The following HEPH variants were observed in gnomAD, a reference collection of about 807,000 sequenced individuals.
HEPH encodes hephaestin.
HEPH carries 69 observed loss-of-function variants against 80.8 expected under a neutral mutation model. The ratio of observed to expected loss-of-function variants is 0.85; its 90% CI spans 0.70 to 1.04. HEPH has a LOEUF of 1.04. Among genes scored for constraint, HEPH ranks in the 50% least tolerant of loss-of-function variants. The pLI, the probability that HEPH is intolerant of heterozygous loss-of-function variation, is 0.00. For missense variants in HEPH, 1,115 were observed against 891.3 expected, an observed-to-expected ratio of 1.25 and a Z score of -3.20; for synonymous variants, 431 against 322.8, an observed-to-expected ratio of 1.34 and a Z score of -3.60.
chrX:66,178,495 T>C (rs992729817), intron 4 of HEPH, among the ~76,000 whole-genome samples: 1 of 112,536 alleles, frequency 8.9e-6, no homozygotes, highest in Admixed American at 9.4e-5. Flanking sequence ...GCATTTCTAG[T>C]TCTAGATCCT....
rs144714457 is a variant in HEPH, at chrX:66,220,762, A to G, written c.2563+12516A>G. On this transcript the variant is annotated intron_variant, in intron 15 of 20. Coordinates refer to ENST00000343002, the MANE Select transcript of HEPH (RefSeq NM_001367233.3). ...TTGTTTTGGCTAACACATTACTCATATCATTTATGAGCCCCCACCAGTCCT... is the reference window on the plus strand; with the variant it reads ...TTGTTTTGGCTAACACATTACTCATGTCATTTATGAGCCCCCACCAGTCCT... Among the ~76,000 whole-genome samples the G allele has an allele frequency of 4.6e-3, 508 of 111,119 alleles. 5 individuals are homozygous for G. The highest frequency in any genetic ancestry group is 0.015 in the African/African-American group (469 of 30,497).
Position 66,186,692 on chromosome X carries a change from G to A in HEPH, c.626-1667G>A, listed in dbSNP as rs180687886. 4.2e-4 allele frequency among the ~76,000 whole-genome samples: 47 copies of A among 111,719 alleles called. No homozygotes were observed. The East Asian group carries it at 0.012, about 29-fold the overall frequency. On this transcript the variant is annotated intron_variant, in intron 4 of 20. Coordinates refer to ENST00000343002, the MANE Select transcript of HEPH (RefSeq NM_001367233.3). Reference sequence around the variant, plus strand: ...TCGCTCACGCTGGGAGCTGTAGACCGGAGCTGTTCCTATTCGGCCATCTTT... The same window carrying A: ...TCGCTCACGCTGGGAGCTGTAGACCAGAGCTGTTCCTATTCGGCCATCTTT...
chrX:66,172,053 G>A (rs951115490), intron 2 of HEPH, among the ~76,000 whole-genome samples: 8 of 112,048 alleles, frequency 7.1e-5, no homozygotes, highest in Non-Finnish European at 1.3e-4. Context: ...ACGAGGAGTC[G>A]ATCACTTAAG....
At chrX:66,180,932 G>A (rs1449387356) in intron 4 of HEPH, among the ~76,000 whole-genome samples, 7 of 98,714 alleles carry the variant, frequency 7.1e-5, no homozygotes, top group Non-Finnish European at 1.2e-4. Context: ...CCACCTATGA[G>A]TGAGAATATG....
In HEPH at chrX:66,178,406, C is replaced by T. The variant is rs774765849; in HGVS notation, c.625+4605C>T. On this transcript the variant is annotated intron_variant, in intron 4 of 20. Transcript: ENST00000343002. ...TGTGAATAATGCCGCAATAAACATGCGTGTGCATGTGTCTTTATAGCAGCA... is the reference window on the plus strand; with the variant it reads ...TGTGAATAATGCCGCAATAAACATGTGTGTGCATGTGTCTTTATAGCAGCA... Among the ~76,000 whole-genome samples, 21 of 112,376 alleles carry T rather than the reference C, an allele frequency of 1.9e-4. 1 individual carries two copies. In the South Asian group the frequency reaches 4.4e-3, roughly 24 times the overall value.
chrX:66,260,101 A>G lies in HEPH; in HGVS notation c.3038A>G (p.Asn1013Ser). 1 of 1,205,926 alleles carries G rather than the reference A, an allele frequency of 8.3e-7. No individual in the cohort carries two copies. The highest frequency in any genetic ancestry group is 1.1e-6 in the Non-Finnish European group (1 of 891,257). ...CCTCATTCCCAATCTCTCTTGCAGA[A>G]TGGCGAGAACTACCGGGCAGATGTG... The part of the protein sequence containing the change: ...HFHAESFLYR[N>S]GENYRADVVD... Residue 1013 changes from asparagine (N) to serine (S), a missense_variant and splice_region_variant, in exon 19 of 21, where the codon AAT becomes AGT. Coordinates refer to ENST00000343002, the MANE Select transcript of HEPH (RefSeq NM_001367233.3).
intron 15 of HEPH, among the ~76,000 whole-genome samples, chrX:66,226,625 T>C (rs2089901951): frequency 1.8e-5 from 2 of 111,572 alleles, no homozygotes; most frequent in Non-Finnish European, 3.8e-5. Context: ...ACTGATACCA[T>C]AGAAATTCAA....
At chrX:66,162,986 C>A (rs1455083278), upstream of HEPH, 4 of 703,686 alleles carry the variant, frequency 5.7e-6, no homozygotes, top group Non-Finnish European at 8.0e-6. Flanking sequence ...TCAGACCTGT[C>A]GCCACAAATT....
intron 15 of HEPH, among the ~76,000 whole-genome samples, chrX:66,218,181 A>C (rs2089480009): frequency 8.9e-6 from 1 of 111,869 alleles, no homozygotes; most frequent in African/African-American, 3.3e-5. Flanking sequence ...GAACAATTGG[A>C]CTTAACAGAT....
intron 15 of HEPH, among the ~76,000 whole-genome samples, chrX:66,225,298 T>G (rs1394098776): frequency 1.8e-5 from 2 of 111,593 alleles, no homozygotes; most frequent in Non-Finnish European, 3.8e-5. Flanking sequence ...CCATGCTTCT[T>G]CAAGACAAAA....
intron 15 of HEPH, among the ~76,000 whole-genome samples, chrX:66,217,603 G>A (rs1306509991): frequency 9.0e-6 from 1 of 110,774 alleles, no homozygotes; most frequent in Non-Finnish European, 1.9e-5. Context: ...AACCTCACAG[G>A]ACCTATAAAA....
At chrX:66,200,902 T>C (rs1446581288) in intron 12 of HEPH, 150 bp downstream of exon 12, 2 of 461,434 alleles carry the variant, frequency 4.3e-6, no homozygotes, top group African/African-American at 4.9e-5. Flanking sequence ...TCTTCTTCAA[T>C]GTGCTCTCCA....
chrX:66,240,336 A>G (rs184545010), intron 15 of HEPH, among the ~76,000 whole-genome samples: 2 of 111,532 alleles, frequency 1.8e-5, no homozygotes, highest in Non-Finnish European at 3.8e-5. Flanking sequence ...AATGAAATAT[A>G]TCATCCAGGA....
intron 4 of HEPH, among the ~76,000 whole-genome samples, chrX:66,186,352 G>A (rs1431868674): frequency 9.1e-6 from 1 of 109,408 alleles, no homozygotes; most frequent in Non-Finnish European, 1.9e-5. Context: ...AGCAATCAGC[G>A]AGATTCCGTG....
intron 15 of HEPH, among the ~76,000 whole-genome samples, chrX:66,221,389 G>A (rs1226118028): frequency 8.9e-6 from 1 of 112,581 alleles, no homozygotes; most frequent in Non-Finnish European, 1.9e-5. Context: ...AGCAAGCTTT[G>A]GTACTTGGTT....
chrX:66,168,975 A>G (rs968243957), intron 1 of HEPH, among the ~76,000 whole-genome samples: 1 of 111,795 alleles, frequency 8.9e-6, no homozygotes, highest in Non-Finnish European at 1.9e-5. Flanking sequence ...CTGTTGCTAT[A>G]GGCATATGTA....
chrX:66,194,224 C>T (rs1329206414), intron 8 of HEPH, among the ~76,000 whole-genome samples: 1 of 111,524 alleles, frequency 9.0e-6, no homozygotes, highest in African/African-American at 3.3e-5. Flanking sequence ...GGACCATACT[C>T]GGGATAGGTG....
At chrX:66,171,621 A>G (rs777892573) in intron 2 of HEPH, among the ~76,000 whole-genome samples, 2 of 112,295 alleles carry the variant, frequency 1.8e-5, no homozygotes, top group South Asian at 7.4e-4. Context: ...TATAGTAGGA[A>G]TAACAACTCT....
intron 5 of HEPH, among the ~76,000 whole-genome samples, chrX:66,189,265 A>T (rs758923289): frequency 8.9e-6 from 1 of 112,567 alleles, no homozygotes; most frequent in African/African-American, 3.2e-5. Context: ...ATACCAATTG[A>T]TTATAAAAGC....
Sources: gnomAD v4.1 joint callset for allele counts (sites outside exome capture counted in the v4.1 genomes callset) on GRCh38, gnomAD v4.1.1 for gene constraint, MANE v1.5 for transcripts, NCBI Gene and HGNC (gene_info 2026-07-23, HGNC 2026-07-21) for gene names.